Variants in SLC24A3 observed in about 807,000 individuals in gnomAD.
SLC24A3 encodes the protein solute carrier family 24 member 3.
SLC24A3 carries 28 observed loss-of-function variants against 75.8 expected under a neutral mutation model. The observed-to-expected ratio is 0.37, with a 90% confidence interval of 0.27 to 0.51. The LOEUF (loss-of-function observed/expected upper bound fraction) is 0.51, where lower values mean the gene tolerates loss of function less well. SLC24A3 is among the 20% of genes least tolerant of loss of function. SLC24A3 has a pLI of 0.94. For synonymous variants in SLC24A3, 372 were observed against 334.1 expected (o/e 1.11, Z -1.24); for missense variants, 663 against 847.8 (o/e 0.78, Z 2.71).
intron 3 of SLC24A3, among the ~76,000 whole-genome samples, chr20:19,568,432 A>G (rs1348479370): frequency 6.6e-6 from 1 of 152,222 alleles, no homozygotes; most frequent in Non-Finnish European, 1.5e-5. Flanking sequence ...CAGCCTTATA[A>G]AGGAGGGAAA....
chr20:19,628,216 A>AG, intron 6 of SLC24A3, among the ~76,000 whole-genome samples: 2 of 150,356 alleles, frequency 1.3e-5, no homozygotes, highest in East Asian at 1.9e-4. Flanking sequence ...AAAAAAAAAA[A>AG]AAAAAAGAAA....
intron 2 of SLC24A3, among the ~76,000 whole-genome samples, chr20:19,425,618 T>G (rs1040349696): frequency 1.3e-5 from 2 of 152,336 alleles, no homozygotes; most frequent in African/African-American, 4.8e-5. Flanking sequence ...GCTTGATGTC[T>G]CTACAGTTTT....
chr20:19,634,269 C>T (rs1171318023), intron 6 of SLC24A3, among the ~76,000 whole-genome samples: 1 of 152,126 alleles, frequency 6.6e-6, no homozygotes, highest in African/African-American at 2.4e-5. Flanking sequence ...CTTTGATTTT[C>T]ACAGACCACT....
intron 2 of SLC24A3, among the ~76,000 whole-genome samples, chr20:19,285,506 A>AT (rs1209927205): frequency 7.1e-4 from 96 of 135,194 alleles, no homozygotes; most frequent in Non-Finnish European, 1.4e-3. Context: ...AAAAAAAGGC[A>AT]TTTTTCCTTT....
At chr20:19,678,641 G>A (rs1600335852) in intron 9 of SLC24A3, among the ~76,000 whole-genome samples, 1 of 146,832 alleles carries the variant, frequency 6.8e-6, no homozygotes, top group African/African-American at 2.6e-5. Flanking sequence ...CGGGCGGGGG[G>A]CTGACCCTCC....
intron 2 of SLC24A3, among the ~76,000 whole-genome samples, chr20:19,414,593 A>C (rs907254049): frequency 6.6e-6 from 1 of 152,202 alleles, no homozygotes; most frequent in Non-Finnish European, 1.5e-5. Context: ...CCGTAAAGAG[A>C]CTGGAAGAAA....
intron 2 of SLC24A3, chr20:19,284,640 A>G (rs879273816): frequency 1.2e-4 from 18 of 152,116 alleles, no homozygotes; most frequent in South Asian, 4.2e-4. Context: ...GGCAGGAGTT[A>G]ATTTGGCATT....
At chr20:19,352,141 G>C (rs1015648113) in intron 2 of SLC24A3, among the ~76,000 whole-genome samples, 1 of 151,992 alleles carries the variant, frequency 6.6e-6, no homozygotes, top group Non-Finnish European at 1.5e-5. Flanking sequence ...GGGCGGGGAG[G>C]GGGTAGTTCT....
At chr20:19,340,888 A>T (rs1462737404) in intron 2 of SLC24A3, among the ~76,000 whole-genome samples, 1 of 152,224 alleles carries the variant, frequency 6.6e-6, no homozygotes, top group Admixed American at 6.5e-5. Context: ...TGTTATCCCC[A>T]CCACGATGGA....
rs529938588 is a variant in SLC24A3 at position 19,584,515 on chromosome 20, C to T, written c.424-456C>T. ...TGGCATCTCTTAAAAATCAGAATAT[C>T]TGGCCACACTGAGGGAACTGGGCAA... On this transcript the variant is annotated intron_variant, in intron 4 of 16. Coordinates refer to ENST00000328041, the MANE Select transcript of SLC24A3 (RefSeq NM_020689.4). 7.9e-5 allele frequency among the ~76,000 whole-genome samples: 12 copies of T among 152,282 alleles called. No individual in the cohort carries two copies. The East Asian group carries it at 2.3e-3, about 29-fold the overall frequency.
At chr20:19,653,393 T>C (rs992274144) in intron 6 of SLC24A3, among the ~76,000 whole-genome samples, 3 of 152,312 alleles carry the variant, frequency 2.0e-5, no homozygotes, top group South Asian at 4.1e-4. Context: ...TGCAAATCAA[T>C]CTTTCAAAGA....
intron 2 of SLC24A3, among the ~76,000 whole-genome samples, chr20:19,447,783 G>A (rs1050433250): frequency 1.3e-5 from 2 of 152,150 alleles, no homozygotes; most frequent in Non-Finnish European, 2.9e-5. Context: ...GCCCCACTAT[G>A]CTTTTGGAAG....
intron 6 of SLC24A3, among the ~76,000 whole-genome samples, chr20:19,588,462 G>A (rs2031329760): frequency 6.6e-6 from 1 of 152,118 alleles, no homozygotes; most frequent in African/African-American, 2.4e-5. Flanking sequence ...TCTCAATTAG[G>A]GTTTTGATGA....
At chr20:19,555,130 T>C (rs910095217) in intron 3 of SLC24A3, among the ~76,000 whole-genome samples, 2 of 152,182 alleles carry the variant, frequency 1.3e-5, no homozygotes, top group African/African-American at 4.8e-5. Flanking sequence ...AATCTTCAAA[T>C]AGAATTTAGC....
intron 6 of SLC24A3, among the ~76,000 whole-genome samples, chr20:19,651,232 A>C (rs1313279029): frequency 6.6e-6 from 1 of 151,704 alleles, no homozygotes; most frequent in Non-Finnish European, 1.5e-5. Context: ...TTTTATTTTT[A>C]TTCTTTTCTC....
Position 19,721,428 on chromosome 20 carries a change from A to G in SLC24A3, c.*288A>G. ...TTGAACAGTGACTGAGATTCTAGAAAAACTGGCTGCTAACTGGCCTGAGCC... is the reference window on the plus strand; with the variant it reads ...TTGAACAGTGACTGAGATTCTAGAAGAACTGGCTGCTAACTGGCCTGAGCC... On this transcript the variant is annotated 3_prime_UTR_variant, in exon 17 of 17. Transcript: ENST00000328041. 2.9e-6 allele frequency: 1 copy of G among 346,512 alleles called. No homozygotes were observed. The highest frequency in any genetic ancestry group is 5.3e-5 in the East Asian group (1 of 18,848). 21.5% of individuals were successfully genotyped at this position (346,512 alleles called of 1,614,324 possible).
chr20:19,538,630 A>G (rs1052942299), intron 3 of SLC24A3, among the ~76,000 whole-genome samples: 9 of 152,192 alleles, frequency 5.9e-5, no homozygotes, highest in African/African-American at 1.7e-4. Flanking sequence ...AGTGTTGACA[A>G]GTATCTAAAT....
At chr20:19,596,060 C>G (rs1024284458) in intron 6 of SLC24A3, among the ~76,000 whole-genome samples, 4 of 152,220 alleles carry the variant, frequency 2.6e-5, no homozygotes, top group African/African-American at 9.6e-5. Flanking sequence ...CGATCATGTC[C>G]AGCCTTGGGT....
intron 12 of SLC24A3, 135 bp downstream of exon 12, chr20:19,685,496 C>T: frequency 7.2e-7 from 1 of 1,391,860 alleles, no homozygotes; most frequent in Non-Finnish European, 9.7e-7. Flanking sequence ...TATATCAAGT[C>T]TCCTTTGGGC....
Sources: allele counts gnomAD v4.1 joint callset (sites outside exome capture counted in the v4.1 genomes callset), GRCh38; gene constraint gnomAD v4.1.1; transcripts MANE v1.5; gene names NCBI Gene and HGNC (gene_info 2026-07-23, HGNC 2026-07-21).